Variants in ZNF536 observed in about 807,000 individuals in gnomAD.
ZNF536 encodes the protein zinc finger protein 536.
Under a neutral mutation model 84.5 loss-of-function variants are expected in ZNF536, and 13 were observed. The ratio of observed to expected loss-of-function variants is 0.15; its 90% CI spans 0.10 to 0.24. ZNF536 has a LOEUF of 0.24. ZNF536 is among the 10% of genes least tolerant of loss of function. ZNF536 has a pLI of 1.00. For missense variants in ZNF536, 1,536 were observed against 1,747.5 expected (o/e 0.88, Z 2.16); for synonymous variants, 811 against 742.5 (o/e 1.09, Z -1.50).
intron 1 of ZNF536, among the ~76,000 whole-genome samples, chr19:30,606,242 TAAAATAAAATA>T (rs1568596965): frequency 0.018 from 1,215 of 67,330 alleles, 30 homozygotes; most frequent in East Asian, 0.17. Flanking sequence ...TAAAATAAAA[TAAAATAAAATA>T]AATAAAATAA....
At chr19:30,484,390 CTTTT>C (rs375461433) in intron 2 of ZNF536, among the ~76,000 whole-genome samples, 2 of 117,444 alleles carry the variant, frequency 1.7e-5, no homozygotes, top group Admixed American at 8.4e-5. Context: ...TCATGCCCAG[CTTTT>C]TTTTTTTTTT....
At chr19:30,427,479 C>T (rs887211275) in intron 1 of ZNF536, among the ~76,000 whole-genome samples, 1 of 152,148 alleles carries the variant, frequency 6.6e-6, no homozygotes, top group Admixed American at 6.6e-5. Context: ...GTGCAGGGGA[C>T]AGCAAGTGGA....
intron 1 of ZNF536, among the ~76,000 whole-genome samples, chr19:30,685,168 G>A (rs868238833): frequency 1.3e-5 from 2 of 152,298 alleles, no homozygotes; most frequent in Middle Eastern, 3.4e-3. Context: ...AACACCAAAG[G>A]GGTTTGGGTG....
chr19:30,444,899 TGA>T lies in ZNF536; in HGVS notation c.1339_1340del (p.Ser447ArgfsTer93). Reference sequence around the variant, plus strand: ...TTCATGACCCCGGACAAAGCCGGCCTGAGCGAGCCCAGCCAGCTCTATGGCAA... The same window carrying T: ...TTCATGACCCCGGACAAAGCCGGCCTGCGAGCCCAGCCAGCTCTATGGCAA... On this transcript the variant is annotated frameshift_variant, in exon 2 of 5. Transcript: ENST00000355537. LOFTEE classifies it high-confidence loss of function. 1 of 1,611,322 alleles carries T rather than the reference TGA, an allele frequency of 6.2e-7. No individual in the cohort carries two copies. The highest frequency in any genetic ancestry group is 8.5e-7 in the Non-Finnish European group (1 of 1,178,884).
chr19:30,444,976 C>T lies in ZNF536; in HGVS notation c.1414C>T (p.Pro472Ser), dbSNP rs2052247351. The change falls in exon 2 of 5, where the codon CCC (proline) becomes TCC (serine). Residue 472 changes from proline to serine, a missense_variant. Pro to Ser is a moderately conservative substitution (Grantham distance 74). This residue lies in a region of ZNF536 where 366 missense variants were observed against 364.4 expected (regional missense o/e 1.00). Coordinates refer to ENST00000355537, the MANE Select transcript of ZNF536 (RefSeq NM_014717.3). ...GGAAGCGCTGGGGAAGCTGCTGTCT[C>T]CCATCTCCAGCATGGCCCACGGCGT... ...EKEALGKLLS[P>S]ISSMAHGVPE... 1 of 1,611,504 alleles carries T rather than the reference C, an allele frequency of 6.2e-7. No homozygotes were observed. Among genetic ancestry groups the T allele is most frequent in the Non-Finnish European group, 8.5e-7 (1 of 1,178,970 alleles).
At chr19:30,504,471 C>G (rs1474756314) in intron 2 of ZNF536, among the ~76,000 whole-genome samples, 2 of 141,544 alleles carry the variant, frequency 1.4e-5, no homozygotes, top group East Asian at 4.3e-4. Flanking sequence ...TTCCTCCCTC[C>G]CATCCTCTCT....
At chr19:30,366,565 C>T (rs184060350) in intron 3 of ZNF536, among the ~76,000 whole-genome samples, 2 of 151,398 alleles carry the variant, frequency 1.3e-5, no homozygotes, top group East Asian at 1.9e-4. Context: ...CTTTCTTCCT[C>T]TCTAGATCTA....
chr19:30,326,626 C>CCAGCA (rs921324428), intron 2 of ZNF536, among the ~76,000 whole-genome samples: 1 of 151,896 alleles, frequency 6.6e-6, no homozygotes, highest in African/African-American at 2.4e-5. Context: ...TGTGAAGCGC[C>CCAGCA]CAGCACAGTG....
intron 1 of ZNF536, among the ~76,000 whole-genome samples, chr19:30,647,095 T>C (rs2049503250): frequency 6.6e-6 from 1 of 151,942 alleles, no homozygotes; most frequent in Non-Finnish European, 1.5e-5. Context: ...ATACCCCTGG[T>C]TTCCCTCTTG....
At chr19:30,436,472 C>CAA (rs34138701) in intron 1 of ZNF536, 456 of 873,290 alleles carry the variant, frequency 5.2e-4, no homozygotes, top group Admixed American at 2.0e-3. Context: ...TGTAAGAGAT[C>CAA]AAAAAAAAAA....
At chr19:30,476,025 C>T (rs1910871590) in intron 2 of ZNF536, among the ~76,000 whole-genome samples, 1 of 152,194 alleles carries the variant, frequency 6.6e-6, no homozygotes, top group South Asian at 2.1e-4. Context: ...ACTCATTTGT[C>T]TCTCCCCGGG....
intron 2 of ZNF536, among the ~76,000 whole-genome samples, chr19:30,490,508 A>T (rs1339867712): frequency 6.6e-6 from 1 of 152,152 alleles, no homozygotes; most frequent in Non-Finnish European, 1.5e-5. Context: ...AATGTGAACC[A>T]CTGAGTTTTT....
chr19:30,627,808 G>C (rs533145625), intron 1 of ZNF536, among the ~76,000 whole-genome samples: 7 of 152,304 alleles, frequency 4.6e-5, no homozygotes, highest in Middle Eastern at 6.8e-3. Flanking sequence ...GATGGGCGGA[G>C]GACCAGTGAG....
intron 2 of ZNF536, among the ~76,000 whole-genome samples, chr19:30,447,234 A>G (rs1359317654): frequency 6.6e-6 from 1 of 152,020 alleles, no homozygotes; most frequent in African/African-American, 2.4e-5. Context: ...TTAGATACCT[A>G]TTTCGATCTT....
chr19:30,338,436 A>G (rs1263473444), intron 2 of ZNF536, among the ~76,000 whole-genome samples: 1 of 151,508 alleles, frequency 6.6e-6, no homozygotes, highest in African/African-American at 2.4e-5. Context: ...TTTGATGATG[A>G]TGGCGATGAC....
chr19:30,507,317 C>T (rs2055216065), intron 2 of ZNF536, among the ~76,000 whole-genome samples: 1 of 152,112 alleles, frequency 6.6e-6, no homozygotes, highest in Non-Finnish European at 1.5e-5. Flanking sequence ...CACCACTGCA[C>T]TCCAGCCTGG....
At chr19:30,519,166 G>A (rs375469759) in intron 2 of ZNF536, among the ~76,000 whole-genome samples, 5 of 152,200 alleles carry the variant, frequency 3.3e-5, no homozygotes, top group African/African-American at 9.7e-5. Flanking sequence ...GCAGCCTATC[G>A]CGTCCCAAGG....
Position 30,570,890 on chromosome 19 carries a change from C to T in ZNF536, c.169+21376C>T, listed in dbSNP as rs947432822. On this transcript the variant is annotated intron_variant, in intron 1 of 1. Coordinates refer to the ZNF536 transcript ENST00000592773. ...TAGGGGCTGCCTGTTGACTTCAAGT[C>T]ATGGAGGGAATATGCCCAATTACTC... is the stretch of plus-strand genomic sequence containing the variant. Among the ~76,000 whole-genome samples the T allele has an allele frequency of 2.0e-5, 3 of 152,156 alleles. No homozygotes were observed. In the East Asian group the frequency reaches 5.8e-4, roughly 29 times the overall value.
chr19:30,245,876 C>G (rs1431453352), intron 1 of ZNF536, among the ~76,000 whole-genome samples: 1 of 152,246 alleles, frequency 6.6e-6, no homozygotes, highest in Non-Finnish European at 1.5e-5. Context: ...CTGCAGGCCT[C>G]TTGCTTGACA....
Sources: gnomAD v4.1 joint callset for allele counts (sites outside exome capture counted in the v4.1 genomes callset) on GRCh38, gnomAD v4.1.1 for gene constraint, gnomAD v4.1.1 regional missense constraint, MANE v1.5 for transcripts, NCBI Gene and HGNC (gene_info 2026-07-23, HGNC 2026-07-21) for gene names.